Variants in NEK1 observed in about 807,000 individuals in gnomAD.
NEK1 encodes the protein serine/threonine-protein kinase Nek1.
Under a neutral mutation model 182.1 loss-of-function variants are expected in NEK1, and 137 were observed. That is an observed-to-expected ratio of 0.75 (90% CI 0.65 to 0.87). NEK1 has a LOEUF of 0.87. Among genes scored for constraint, NEK1 ranks in the 40% least tolerant of loss-of-function variants. The pLI is 0.00. For missense variants in NEK1, 1,391 were observed against 1,494.4 expected, an observed-to-expected ratio of 0.93 and a Z score of 1.14; for synonymous variants, 513 against 492.2, an observed-to-expected ratio of 1.04 and a Z score of -0.56.
chr4:169,554,890 T>C (rs1220602980), intron 18 of NEK1: 1 of 152,192 alleles, frequency 6.6e-6, no homozygotes, highest in African/African-American at 2.4e-5. Context: ...AGGTTGTGCA[T>C]GTGTGAGGAA....
chr4:169,544,089 T>G (rs1338188562), intron 18 of NEK1, among the ~76,000 whole-genome samples: 1 of 152,212 alleles, frequency 6.6e-6, no homozygotes, highest in Middle Eastern at 3.2e-3. Context: ...CTTCAGTTTC[T>G]GTCCATTATG....
chr4:169,496,188 G>T (rs1258215777), intron 23 of NEK1, among the ~76,000 whole-genome samples: 1 of 152,144 alleles, frequency 6.6e-6, no homozygotes, highest in Non-Finnish European at 1.5e-5. Context: ...GTTCACTCAT[G>T]ATTTGGCTCT....
chr4:169,418,186 G>A (rs1734861097), intron 31 of NEK1, among the ~76,000 whole-genome samples: 1 of 152,136 alleles, frequency 6.6e-6, no homozygotes, highest in South Asian at 2.1e-4. Context: ...AGAGGGTCAT[G>A]CCTTGGAAAT....
At chr4:169,610,461 G>GCAC (rs1043109399) in intron 2 of NEK1, among the ~76,000 whole-genome samples, 11 of 151,764 alleles carry the variant, frequency 7.2e-5, no homozygotes, top group African/African-American at 2.7e-4. Flanking sequence ...TTACAGGCAC[G>GCAC]CACCACCACG....
chr4:169,579,154 T>C (rs1425791624), intron 11 of NEK1, among the ~76,000 whole-genome samples: 3 of 152,226 alleles, frequency 2.0e-5, no homozygotes, highest in Non-Finnish European at 2.9e-5. Context: ...TTCAGGATCA[T>C]TGACAAGGCT....
chr4:169,416,358 A>G (rs191095281), intron 31 of NEK1, among the ~76,000 whole-genome samples: 3 of 152,306 alleles, frequency 2.0e-5, no homozygotes, highest in Non-Finnish European at 4.4e-5. Context: ...AATGCATTAC[A>G]AGTGTTTTCA....
intron 26 of NEK1, among the ~76,000 whole-genome samples, chr4:169,476,320 C>G (rs555474206): frequency 6.6e-6 from 1 of 152,146 alleles, no homozygotes; most frequent in South Asian, 2.1e-4. Flanking sequence ...ATGATTATTC[C>G]TAGCACAGTA....
chr4:169,547,403 A>G (rs1282703365), intron 18 of NEK1, among the ~76,000 whole-genome samples: 1 of 152,040 alleles, frequency 6.6e-6, no homozygotes, highest in Non-Finnish European at 1.5e-5. Flanking sequence ...GTGGCTCTTA[A>G]CATTTTTTCC....
intron 23 of NEK1, among the ~76,000 whole-genome samples, chr4:169,505,262 C>T (rs1337156233): frequency 2.0e-5 from 3 of 151,850 alleles, no homozygotes; most frequent in African/African-American, 7.3e-5. Flanking sequence ...CAGCACAAAT[C>T]CACTTACACA....
Position 169,433,569 on chromosome 4 carries a change from T to C in NEK1, c.2861A>G (p.Glu954Gly). 1 of 1,610,672 alleles carries C rather than the reference T, an allele frequency of 6.2e-7. No homozygotes were observed. Among genetic ancestry groups the C allele is most frequent in the East Asian group, 2.2e-5 (1 of 44,760 alleles). ...CTGAGTTTCCTTTGTTTCTTTTTCCTCACTAATCCACACATCAGTAATAGT... is the reference window on the plus strand; with the variant it reads ...CTGAGTTTCCTTTGTTTCTTTTTCCCCACTAATCCACACATCAGTAATAGT... The part of the protein sequence containing the change: ...PCTITDVWIS[E>G]EKETKETQSA... The change falls in exon 29 of 36, where the codon GAG becomes GGG. Residue 954 changes from glutamate to glycine, a missense_variant. Transcript: ENST00000507142.
At chr4:169,506,450 TA>T (rs920485570) in intron 23 of NEK1, among the ~76,000 whole-genome samples, 1 of 152,034 alleles carries the variant, frequency 6.6e-6, no homozygotes, top group Non-Finnish European at 1.5e-5. Flanking sequence ...AATAGTAAAT[TA>T]AAAATTTTAA....
intron 27 of NEK1, among the ~76,000 whole-genome samples, chr4:169,454,262 T>C (rs1351572707): frequency 2.0e-5 from 3 of 152,188 alleles, no homozygotes; most frequent in Non-Finnish European, 4.4e-5. Flanking sequence ...ATTCAGGACA[T>C]AGGCATGGGC....
At position 169,537,856 on chromosome 4, in the gene NEK1, GCTGCAGGAA is replaced by G; in HGVS notation, c.1609_1617del (p.Phe537_Gln539del). The G allele has an allele frequency of 6.2e-7, 1 of 1,611,298 alleles. No homozygotes were observed. Among genetic ancestry groups the G allele is most frequent in the Admixed American group, 1.7e-5 (1 of 59,792 alleles). On this transcript the variant is annotated inframe_deletion, in exon 19 of 36. Coordinates refer to ENST00000507142, the MANE Select transcript of NEK1 (RefSeq NM_001199397.3). ...TTATTCTGCATAGCTTCCCGTTTTCGCTGCAGGAACTCTTCTACTTGTTTAGCTCTTTCT... is the reference window on the plus strand; with the variant it reads ...TTATTCTGCATAGCTTCCCGTTTTCGCTCTTCTACTTGTTTAGCTCTTTCT...
intron 23 of NEK1, among the ~76,000 whole-genome samples, chr4:169,495,828 A>G (rs1751145363): frequency 6.6e-6 from 1 of 152,146 alleles, no homozygotes; most frequent in African/African-American, 2.4e-5. Flanking sequence ...GTTTGAAGTC[A>G]GGTAGTGTGA....
chr4:169,571,239 C>G (rs1764802490), intron 12 of NEK1, among the ~76,000 whole-genome samples: 2 of 150,774 alleles, frequency 1.3e-5, no homozygotes, highest in Admixed American at 1.3e-4. Context: ...AAAAGCTTAG[C>G]CTGGTTGCGG....
At chr4:169,575,521 G>C (rs1388329363) in intron 12 of NEK1, among the ~76,000 whole-genome samples, 2 of 152,188 alleles carry the variant, frequency 1.3e-5, no homozygotes, top group African/African-American at 4.8e-5. Context: ...AGTTTCAGCA[G>C]CACCTGCAAG....
At chr4:169,433,497 T>C (rs1737812163) in intron 29 of NEK1, 48 bp downstream of exon 29, 4 of 1,559,166 alleles carry the variant, frequency 2.6e-6, no homozygotes, top group Non-Finnish European at 3.5e-6. Flanking sequence ...TTAAAAGTTA[T>C]TACAAAAGGG....
chr4:169,556,103 T>C lies in NEK1; in HGVS notation c.1267-8A>G, dbSNP rs1224345678. On this transcript the variant is annotated splice_region_variant and splice_polypyrimidine_tract_variant and intron_variant, in intron 16 of 35. Transcript: ENST00000507142. ...ACTGCCCAGAAAAGGAGCCTAGGGA[T>C]TAAACAAAGAGCTCTCACATGTTTA... is the stretch of plus-strand genomic sequence containing the variant. The C allele has an allele frequency of 6.2e-7, 1 of 1,608,656 alleles. No individual in the cohort carries two copies. Among genetic ancestry groups the C allele is most frequent in the East Asian group, 2.2e-5 (1 of 44,824 alleles).
chr4:169,570,331 C>T (rs1308471741), intron 12 of NEK1, among the ~76,000 whole-genome samples: 6 of 151,932 alleles, frequency 3.9e-5, no homozygotes, highest in Non-Finnish European at 8.8e-5. Flanking sequence ...AGCGTCTCCG[C>T]CCGGCAGCCA....
Sources: gnomAD v4.1 joint callset for allele counts (sites outside exome capture counted in the v4.1 genomes callset) on GRCh38, gnomAD v4.1.1 for gene constraint, MANE v1.5 for transcripts, NCBI Gene and HGNC (gene_info 2026-07-23, HGNC 2026-07-21) for gene names.